The following ZFHX3 variants were observed in gnomAD, a reference collection of about 807,000 sequenced individuals.
ZFHX3 encodes zinc finger homeobox 3, also known as zinc finger homeobox protein 3.
Under a neutral mutation model 279.1 loss-of-function variants are expected in ZFHX3, and 42 were observed. The observed-to-expected ratio is 0.15, with a 90% CI of 0.12 to 0.19. The LOEUF (loss-of-function observed/expected upper bound fraction) is 0.19. Ranked by LOEUF, ZFHX3 falls within the 10% of genes least tolerant of loss-of-function variation. ZFHX3 has a pLI of 1.00. For synonymous variants in ZFHX3, 2,293 were observed against 1,957.8 expected, an observed-to-expected ratio of 1.17 and a Z score of -4.52; for missense variants, 4,981 against 4,754.0, an observed-to-expected ratio of 1.05 and a Z score of -1.40.
chr16:73,255,845 A>T (rs1428391708), intron 5 of ZFHX3, among the ~76,000 whole-genome samples: 1 of 152,156 alleles, frequency 6.6e-6, no homozygotes, highest in African/African-American at 2.4e-5. Context: ...TGGTTTTCTG[A>T]TTCACAGCCC....
chr16:73,479,424 C>T (rs1712114663), intron 2 of ZFHX3, among the ~76,000 whole-genome samples: 1 of 152,274 alleles, frequency 6.6e-6, no homozygotes, highest in African/African-American at 2.4e-5. Flanking sequence ...CATGCTATTA[C>T]CTTGGCTGGA....
chr16:72,998,530 C>T (rs1963374057), intron 1 of ZFHX3, among the ~76,000 whole-genome samples: 1 of 152,188 alleles, frequency 6.6e-6, no homozygotes, highest in African/African-American at 2.4e-5. Flanking sequence ...GACAGTTTCC[C>T]CTTGTTTTCC....
intron 3 of ZFHX3, among the ~76,000 whole-genome samples, chr16:73,449,166 A>G (rs1300801325): frequency 6.6e-6 from 1 of 152,224 alleles, no homozygotes; most frequent in Admixed American, 6.5e-5. Context: ...CAAAGGTCTA[A>G]CACATTTTGA....
At chr16:73,588,766 T>C (rs1174242109) in intron 2 of ZFHX3, among the ~76,000 whole-genome samples, 2 of 148,026 alleles carry the variant, frequency 1.4e-5, no homozygotes, top group Non-Finnish European at 3.0e-5. Flanking sequence ...CCCAAGGACA[T>C]GCAATCATCA....
intron 1 of ZFHX3, among the ~76,000 whole-genome samples, chr16:73,855,563 C>A (rs1961706950): frequency 6.6e-6 from 1 of 152,148 alleles, no homozygotes; most frequent in Non-Finnish European, 1.5e-5. Flanking sequence ...TGCCAAAACT[C>A]TTCCTAAGAA....
At chr16:72,789,767 T>C (rs769216332) in intron 9 of ZFHX3, 2 of 152,226 alleles carry the variant, frequency 1.3e-5, no homozygotes, top group African/African-American at 4.8e-5. Flanking sequence ...CGCCTAGGAA[T>C]AGGAATCTGG....
Position 72,959,641 on chromosome 16 carries a change from G to T in ZFHX3, c.505C>A (p.Leu169Ile). 6.2e-7 allele frequency: 1 copy of T among 1,614,052 alleles called. No homozygotes were observed. The stretch of plus-strand genomic sequence containing the variant: ...GCGCCAGGGAGAGAGTTCAGGAAAA[G>T]CGAGGGGAGAGGCCCACTGCCACTG... ...SGSGSGPLPS[L>I]FLNSLPGAGG... Residue 169 changes from leucine (L) to isoleucine (I), a missense_variant, in exon 2 of 10, where the codon CTT becomes ATT. Transcript: ENST00000268489.
intron 1 of ZFHX3, chr16:73,813,764 G>C (rs1960489040): frequency 6.6e-6 from 1 of 152,178 alleles, no homozygotes; most frequent in South Asian, 2.1e-4. Flanking sequence ...CTGTACCTCA[G>C]ACCCAGTAGG....
At chr16:73,891,462 G>A (rs1376154581) in intron 1 of ZFHX3, among the ~76,000 whole-genome samples, 1 of 151,908 alleles carries the variant, frequency 6.6e-6, no homozygotes, top group East Asian at 1.9e-4. Context: ...TACCCTCCCC[G>A]ATCCATAAAG....
intron 3 of ZFHX3, among the ~76,000 whole-genome samples, chr16:72,890,661 C>T (rs74028128): frequency 0.061 from 9,294 of 152,260 alleles, 449 homozygotes; most frequent in African/African-American, 0.13. Flanking sequence ...AGTGCAACAC[C>T]GGCTTTCCTG....
intron 2 of ZFHX3, among the ~76,000 whole-genome samples, chr16:73,654,614 A>C (rs1169111271): frequency 1.3e-5 from 2 of 152,110 alleles, no homozygotes; most frequent in Non-Finnish European, 2.9e-5. Flanking sequence ...GTAATACAGC[A>C]TGAATAATTT....
At chr16:73,291,885 G>T (rs966969331) in intron 4 of ZFHX3, among the ~76,000 whole-genome samples, 1 of 152,152 alleles carries the variant, frequency 6.6e-6, no homozygotes, top group Non-Finnish European at 1.5e-5. Flanking sequence ...GAACTTCTGG[G>T]TGCTAGTCAC....
At chr16:73,708,107 G>C (rs1338909132) in intron 1 of ZFHX3, among the ~76,000 whole-genome samples, 1 of 151,944 alleles carries the variant, frequency 6.6e-6, no homozygotes, top group Non-Finnish European at 1.5e-5. Context: ...ACAATTATTG[G>C]AAGAATTCCC....
intron 2 of ZFHX3, among the ~76,000 whole-genome samples, chr16:73,628,212 T>C (rs1391539411): frequency 2.0e-5 from 3 of 152,198 alleles, no homozygotes; most frequent in Non-Finnish European, 4.4e-5. Context: ...ACCACATCAT[T>C]GAGAGGTACT....
chr16:73,151,452 C>G (rs1235479247), intron 5 of ZFHX3, among the ~76,000 whole-genome samples: 1 of 151,894 alleles, frequency 6.6e-6, no homozygotes, highest in East Asian at 1.9e-4. Flanking sequence ...CAGTCAGAGG[C>G]AGGTTGGAGG....
intron 3 of ZFHX3, among the ~76,000 whole-genome samples, chr16:73,449,626 T>C (rs111391403): frequency 2.6e-5 from 4 of 152,274 alleles, no homozygotes; most frequent in African/African-American, 9.6e-5. Context: ...TATAGAAGTA[T>C]AAAATATGAC....
chr16:73,051,752 A>G (rs534062459), upstream of ZFHX3, among the ~76,000 whole-genome samples: 1 of 152,344 alleles, frequency 6.6e-6, no homozygotes, highest in Admixed American at 6.5e-5. Context: ...AAGAAAGCCA[A>G]AATACAGAAG....
At chr16:73,604,739 C>T (rs1367227551) in intron 2 of ZFHX3, among the ~76,000 whole-genome samples, 1 of 77,226 alleles carries the variant, frequency 1.3e-5, no homozygotes, top group African/African-American at 3.3e-5. Context: ...AGGGAGACTC[C>T]GTGAAAAAAA....
chr16:73,326,972 G>A (rs1371999302), intron 3 of ZFHX3, among the ~76,000 whole-genome samples: 2 of 152,148 alleles, frequency 1.3e-5, no homozygotes, highest in African/African-American at 2.4e-5. Flanking sequence ...CTAAAGAATA[G>A]GACATAAACA....
Sources: allele counts gnomAD v4.1 joint callset (sites outside exome capture counted in the v4.1 genomes callset), GRCh38; gene constraint gnomAD v4.1.1; transcripts MANE v1.5; gene names NCBI Gene and HGNC (gene_info 2026-07-23, HGNC 2026-07-21).